The following SMOX variants were observed in gnomAD, a reference collection of about 807,000 sequenced individuals.
SMOX encodes the protein spermine oxidase, also known as flavin containing amine oxidase.
SMOX carries 22 observed loss-of-function variants against 51.0 expected under a neutral mutation model. That is an observed-to-expected ratio of 0.43 (90% CI 0.31 to 0.62). SMOX has a LOEUF of 0.62. Among genes scored for constraint, SMOX ranks in the 20% least tolerant of loss-of-function variants. The pLI is 0.10. For missense variants in SMOX, 566 were observed against 777.7 expected (o/e 0.73, Z 3.24); for synonymous variants, 282 against 307.8 (o/e 0.92, Z 0.88).
chr20:4,176,019 G>GC (rs1978820291), intron 2 of SMOX: 1 of 114,428 alleles, frequency 8.7e-6, no homozygotes, highest in Non-Finnish European at 1.8e-5. Flanking sequence ...CTCTAGAGGA[G>GC]TTTTTTTTTT....
In SMOX at chr20:4,153,347, T is replaced by C. The variant is rs775876035; in HGVS notation, c.-27+4370T>C. Among the ~76,000 whole-genome samples the C allele has an allele frequency of 6.6e-6, 1 of 152,154 alleles. No homozygotes were observed. Among genetic ancestry groups the C allele is most frequent in the Non-Finnish European group, 1.5e-5 (1 of 68,026 alleles). On this transcript the variant is annotated intron_variant, in intron 1 of 6. Transcript: ENST00000305958. The surrounding 1 kb of genome is among the most constrained non-coding windows in gnomAD (Gnocchi z 4.4). ...GATTAGAGGGACTTTTTTTCTTTGC[T>C]CCCTGGAGGTCACATGCTTGAGTGC...
intron 1 of SMOX, among the ~76,000 whole-genome samples, chr20:4,150,767 A>ACCCT (rs1196212724): frequency 6.7e-6 from 1 of 149,046 alleles, no homozygotes; most frequent in Non-Finnish European, 1.5e-5. Context: ...ATGAAACAGA[A>ACCCT]CCCTGATGGC....
rs1045002064 is a variant in SMOX at position 4,172,570 on chromosome 20, G to A, written c.-26-2460G>A. ...AGTCAGAGGACAGAGGCGGGGAGGA[G>A]GAAAGGGCCGGAGCCGCCCTGCTCC... On this transcript the variant is annotated intron_variant, in intron 1 of 6. Transcript: ENST00000305958. This position sits in a 1 kb window ranked among gnomAD's most constrained non-coding sequence, Gnocchi z 7.7. Among the ~76,000 whole-genome samples the A allele has an allele frequency of 2.0e-5, 3 of 152,084 alleles. No homozygotes were observed. The highest frequency in any genetic ancestry group is 2.9e-5 in the Non-Finnish European group (2 of 68,006).
chr20:4,160,234 A>G (rs1454861679), intron 1 of SMOX, among the ~76,000 whole-genome samples: 1 of 152,204 alleles, frequency 6.6e-6, no homozygotes, highest in African/African-American at 2.4e-5. Flanking sequence ...TGGCAGCCCC[A>G]GGCTTTGGCA....
At position 4,182,931 on chromosome 20, in the gene SMOX, C is replaced by T; in HGVS notation, c.1369+83C>T. 1.3e-6 allele frequency: 2 copies of T among 1,492,810 alleles called. No homozygotes were observed. Among genetic ancestry groups the T allele is most frequent in the Non-Finnish European group, 1.8e-6 (2 of 1,122,434 alleles). 92.5% of individuals were successfully genotyped at this position (1,492,810 alleles called of 1,614,324 possible). On this transcript the variant is annotated intron_variant, in intron 5 of 6. Coordinates refer to ENST00000305958, the MANE Select transcript of SMOX (RefSeq NM_175839.3). The surrounding 1 kb of genome is among the most constrained non-coding windows in gnomAD (Gnocchi z 8.4). ...CCTCTGGTGGACCCATGGCAGCTCTCTCCTCCCCAGACCGTGAAGCTCGGA... is the reference window on the plus strand; with the variant it reads ...CCTCTGGTGGACCCATGGCAGCTCTTTCCTCCCCAGACCGTGAAGCTCGGA...
At chr20:4,171,346 C>G (rs554555661) in intron 1 of SMOX, among the ~76,000 whole-genome samples, 1 of 152,262 alleles carries the variant, frequency 6.6e-6, no homozygotes, top group Non-Finnish European at 1.5e-5. Context: ...ACAAGTTGCC[C>G]CTTAGTGCCC....
chr20:4,182,157 C>T lies in SMOX; in HGVS notation c.678C>T (p.Thr226=), dbSNP rs539264331. The part of the protein sequence containing the change: ...EVSLSAFGEW[T]EIPGAHHIIP... ...CCCTGAGCGCCTTCGGGGAGTGGAC[C>T]GAGATCCCCGGCGCTCACCACATCA... Residue 226 remains threonine, a synonymous_variant, in exon 5 of 7, where the codon ACC becomes ACT. Transcript: ENST00000305958. The surrounding 1 kb of genome is among the most constrained non-coding windows in gnomAD (Gnocchi z 8.4). The T allele has an allele frequency of 1.3e-5, 21 of 1,612,772 alleles. No homozygotes were observed. The highest frequency in any genetic ancestry group is 2.2e-5 in the South Asian group (2 of 91,010).
chr20:4,183,676 A>G lies in SMOX; in HGVS notation c.1530+22A>G. On this transcript the variant is annotated intron_variant, in intron 6 of 6. Transcript: ENST00000305958. This position sits in a 1 kb window ranked among gnomAD's most constrained non-coding sequence, Gnocchi z 4.3. ...AGCGGTAAGCGGGGCGTTTGGGGTG[A>G]GGAGGGGAGTTGTGGGTGTATTTTG... 1 of 1,546,746 alleles carries G rather than the reference A, an allele frequency of 6.5e-7. No individual in the cohort carries two copies. Among genetic ancestry groups the G allele is most frequent in the African/African-American group, 1.4e-5 (1 of 72,870 alleles).
chr20:4,168,192 T>C (rs1203707933), intron 1 of SMOX, among the ~76,000 whole-genome samples: 2 of 152,018 alleles, frequency 1.3e-5, no homozygotes, highest in Non-Finnish European at 2.9e-5. Context: ...GAAGTCTCCA[T>C]TGGGAAGAGA....
chr20:4,160,266 A>G (rs1343748344), intron 1 of SMOX, among the ~76,000 whole-genome samples: 1 of 152,240 alleles, frequency 6.6e-6, no homozygotes, highest in Admixed American at 6.5e-5. Flanking sequence ...GTGAACCATC[A>G]GGCCTTGAGA....
At chr20:4,157,776 C>A (rs538514953) in intron 1 of SMOX, among the ~76,000 whole-genome samples, 10 of 152,072 alleles carry the variant, frequency 6.6e-5, no homozygotes, top group Non-Finnish European at 1.5e-4. Flanking sequence ...ACGTGACCCT[C>A]ATTCTCAGAC....
rs1373311456 is a variant in SMOX, at chr20:4,177,952, T to C, written c.435+375T>C. On this transcript the variant is annotated intron_variant, in intron 3 of 6. Transcript: ENST00000305958. The surrounding 1 kb of genome is among the most constrained non-coding windows in gnomAD (Gnocchi z 4.3). ...TGATGGTGATGTTTTAGACCTTCGC[T>C]CTGCAGTGTGGTAGTCACTAGCCAC... 2.6e-5 allele frequency among the ~76,000 whole-genome samples: 4 copies of C among 152,230 alleles called. No homozygotes were observed. Among genetic ancestry groups the C allele is most frequent in the African/African-American group, 9.6e-5 (4 of 41,458 alleles).
chr20:4,179,821 C>T (rs150366648), intron 3 of SMOX, among the ~76,000 whole-genome samples: 31 of 152,252 alleles, frequency 2.0e-4, no homozygotes, highest in Non-Finnish European at 4.3e-4. Context: ...ATGATAAGTG[C>T]TTAATGAGAA....
At chr20:4,179,859 G>T (rs774472499) in intron 3 of SMOX, among the ~76,000 whole-genome samples, 14 of 152,192 alleles carry the variant, frequency 9.2e-5, no homozygotes, top group Non-Finnish European at 2.1e-4. Flanking sequence ...AGCTGTCACA[G>T]ACCTGTCCGA....
At chr20:4,156,469 T>G (rs1184490439) in intron 1 of SMOX, among the ~76,000 whole-genome samples, 1 of 152,114 alleles carries the variant, frequency 6.6e-6, no homozygotes, top group African/African-American at 2.4e-5. Flanking sequence ...TTGCCCCCCA[T>G]GTCTGCCTCC....
chr20:4,175,726 G>C (rs1978782993), intron 2 of SMOX, among the ~76,000 whole-genome samples: 1 of 152,146 alleles, frequency 6.6e-6, no homozygotes, highest in South Asian at 2.1e-4. Flanking sequence ...GTGATGGGCA[G>C]GTCTTGGGAT....
At chr20:4,158,834 ACCTCTGAT>A (rs1214952874) in intron 1 of SMOX, among the ~76,000 whole-genome samples, 3 of 151,868 alleles carry the variant, frequency 2.0e-5, no homozygotes, top group African/African-American at 7.3e-5. Context: ...CAGCCAGCGC[ACCTCTGAT>A]CCTGGCGGGT....
rs1985876611 is a variant in SMOX at position 4,153,830 on chromosome 20, G to A, written c.-27+4853G>A. Reference sequence around the variant, plus strand: ...TGTCTGCTGAGTCGAAGTGAAGGCTGTGGCCAAGCCTGAGGCGGGCAGGCT... The same window carrying A: ...TGTCTGCTGAGTCGAAGTGAAGGCTATGGCCAAGCCTGAGGCGGGCAGGCT... On this transcript the variant is annotated intron_variant, in intron 1 of 6. Transcript: ENST00000305958. This position sits in a 1 kb window ranked among gnomAD's most constrained non-coding sequence, Gnocchi z 4.4. Among the ~76,000 whole-genome samples the A allele has an allele frequency of 6.6e-6, 1 of 152,192 alleles. No homozygotes were observed. The highest frequency in any genetic ancestry group is 1.5e-5 in the Non-Finnish European group (1 of 68,026).
At chr20:4,169,330 C>T (rs920360428) in intron 1 of SMOX, among the ~76,000 whole-genome samples, 1 of 152,138 alleles carries the variant, frequency 6.6e-6, no homozygotes, top group African/African-American at 2.4e-5. Flanking sequence ...ATTTTTATCT[C>T]TTGTGAGGGG....
Sources: gnomAD v4.1 joint callset for allele counts (sites outside exome capture counted in the v4.1 genomes callset) on GRCh38, gnomAD v4.1.1 for gene constraint, Gnocchi (gnomAD v3.1) non-coding constraint, MANE v1.5 for transcripts, NCBI Gene and HGNC (gene_info 2026-07-23, HGNC 2026-07-21) for gene names.